The following SCHIP1 variants were observed in gnomAD, a reference collection of about 807,000 sequenced individuals.
SCHIP1 encodes the protein schwannomin-interacting protein 1.
In SCHIP1, 8 loss-of-function variants were observed where a neutral mutation model predicts 29.7. The observed-to-expected ratio is 0.27, with a 90% CI of 0.16 to 0.49. The LOEUF is 0.49. Ranked by LOEUF, SCHIP1 falls within the 20% of genes least tolerant of loss-of-function variation. The probability of loss-of-function intolerance (pLI) is 0.99; values close to 1 mark genes in which losing one functional copy is unlikely to be tolerated. For synonymous variants in SCHIP1, 76 were observed against 94.9 expected (o/e 0.80, Z 1.16); for missense variants, 193 against 294.6 (o/e 0.66, Z 2.52).
the SCHIP1 span, among the ~76,000 whole-genome samples, chr3:159,571,125 C>G: frequency 2.6e-5 from 4 of 151,636 alleles, no homozygotes; most frequent in African/African-American, 9.6e-5. Flanking sequence ...AACTGAATAC[C>G]CTTTCTTTCT....
chr3:159,810,275 G>A, the SCHIP1 span, among the ~76,000 whole-genome samples: 2 of 152,130 alleles, frequency 1.3e-5, no homozygotes, highest in Non-Finnish European at 2.9e-5. Context: ...TTGAACTCCT[G>A]ACCTCGTGAT....
chr3:159,453,491 C>G, the SCHIP1 span, among the ~76,000 whole-genome samples: 1 of 152,094 alleles, frequency 6.6e-6, no homozygotes, highest in Non-Finnish European at 1.5e-5. Flanking sequence ...TAATCCAGGC[C>G]TTTCTTATTG....
chr3:159,422,613 C>G, the SCHIP1 span, among the ~76,000 whole-genome samples: 1 of 152,172 alleles, frequency 6.6e-6, no homozygotes, highest in Admixed American at 6.5e-5. Context: ...ACTGCCCACC[C>G]TCCAAGATGA....
At chr3:159,517,276 TA>T in the SCHIP1 span, among the ~76,000 whole-genome samples, 1 of 152,154 alleles carries the variant, frequency 6.6e-6, no homozygotes, top group African/African-American at 2.4e-5. Context: ...AAAAGTTTGG[TA>T]AAAAGAGTTG....
At chr3:159,599,537 T>C in the SCHIP1 span, among the ~76,000 whole-genome samples, 1 of 152,334 alleles carries the variant, frequency 6.6e-6, no homozygotes, top group Non-Finnish European at 1.5e-5. Context: ...TTACTTAGAA[T>C]AAGGGTCTCC....
At chr3:159,785,754 CAG>C in the SCHIP1 span, among the ~76,000 whole-genome samples, 1 of 152,126 alleles carries the variant, frequency 6.6e-6, no homozygotes, top group African/African-American at 2.4e-5. Context: ...GAATAATAAA[CAG>C]AATGCTAGTT....
the SCHIP1 span, among the ~76,000 whole-genome samples, chr3:159,457,226 A>C: frequency 6.6e-6 from 1 of 152,206 alleles, no homozygotes; most frequent in East Asian, 1.9e-4. Context: ...TCCAAGAATA[A>C]TAGCTCATCT....
At chr3:159,312,955 T>C in the SCHIP1 span, among the ~76,000 whole-genome samples, 5 of 152,220 alleles carry the variant, frequency 3.3e-5, no homozygotes, top group African/African-American at 1.2e-4. Context: ...CCTTGCATTA[T>C]TCTTTAATTT....
chr3:159,273,798 G>A, the SCHIP1 span: 6 of 1,612,684 alleles, frequency 3.7e-6, no homozygotes, highest in Non-Finnish European at 5.1e-6. Context: ...CTCTCAAATG[G>A]GCAAGAGTAA....
the SCHIP1 span, among the ~76,000 whole-genome samples, chr3:159,649,719 G>A: frequency 2.6e-5 from 4 of 152,272 alleles, no homozygotes; most frequent in Non-Finnish European, 4.4e-5. Context: ...ATGGAAGATT[G>A]ATGGAGAGAT....
the SCHIP1 span, among the ~76,000 whole-genome samples, chr3:159,730,228 G>A: frequency 6.6e-6 from 1 of 152,268 alleles, no homozygotes; most frequent in South Asian, 2.1e-4. Flanking sequence ...AAAGAATGAT[G>A]CTAAGACTGT....
At chr3:159,729,164 G>GAAAA in the SCHIP1 span, among the ~76,000 whole-genome samples, 1 of 151,172 alleles carries the variant, frequency 6.6e-6, no homozygotes, top group Non-Finnish European at 1.5e-5. Flanking sequence ...GAAAAGAAAA[G>GAAAA]AAAAAAAGAA....
the SCHIP1 span, among the ~76,000 whole-genome samples, chr3:159,453,818 C>T: frequency 5.2e-4 from 79 of 152,178 alleles, no homozygotes; most frequent in Admixed American, 1.8e-3. Flanking sequence ...GCTTTCAAGC[C>T]TTCTGCTCAT....
At chr3:159,613,074 A>C in the SCHIP1 span, among the ~76,000 whole-genome samples, 11 of 152,242 alleles carry the variant, frequency 7.2e-5, no homozygotes, top group Non-Finnish European at 2.9e-5. Flanking sequence ...TAATATGAAG[A>C]CTTAGACAAT....
chr3:159,666,127 G>C, the SCHIP1 span, among the ~76,000 whole-genome samples: 3 of 152,310 alleles, frequency 2.0e-5, no homozygotes, highest in African/African-American at 7.2e-5. Context: ...CCAGTCAGTA[G>C]TTAATGAAAA....
intron 5 of SCHIP1, 119 bp downstream of exon 6, chr3:159,889,062 G>T: frequency 7.7e-7 from 1 of 1,305,482 alleles, no homozygotes; most frequent in African/African-American, 1.5e-5. Context: ...TGATTGCAAG[G>T]AAAATAAGAG....
the SCHIP1 span, among the ~76,000 whole-genome samples, chr3:159,346,037 T>A: frequency 6.6e-6 from 1 of 151,556 alleles, no homozygotes; most frequent in Non-Finnish European, 1.5e-5. Context: ...CTACTAAAAA[T>A]ACAAAAATTA....
intron 1 of SCHIP1, among the ~76,000 whole-genome samples, chr3:159,851,259 C>T (rs1229811196): frequency 6.6e-6 from 1 of 152,184 alleles, no homozygotes; most frequent in Non-Finnish European, 1.5e-5. Flanking sequence ...CATTGCACTC[C>T]AGCCTGGGCA....
At position 159,895,687 on chromosome 3, in the gene SCHIP1, GTTGT is replaced by G. The variant is rs536791586; in HGVS notation, c.684-1018_684-1015del. On this transcript the variant is annotated intron_variant, in intron 6 of 6. Transcript: ENST00000445224. ...ATAATAGAGCTTGTTTTTGGTTTTG[GTTGT>G]TTGTTTGTTTGTTTGTTCTTTGAGA... Among the ~76,000 whole-genome samples the G allele has an allele frequency of 7.9e-3, 1,195 of 152,028 alleles. 16 individuals carry two copies. Among genetic ancestry groups the G allele is most frequent in the African/African-American group, 0.028 (1,149 of 41,456 alleles).
Sources: gnomAD v4.1 joint callset for allele counts (sites outside exome capture counted in the v4.1 genomes callset) on GRCh38, gnomAD v4.1.1 for gene constraint, MANE v1.5 for transcripts, NCBI Gene and HGNC (gene_info 2026-07-23, HGNC 2026-07-21) for gene names.